Variants in SRGAP3 observed in about 807,000 individuals in gnomAD.
SRGAP3 encodes SLIT-ROBO Rho GTPase activating protein 3.
Under a neutral mutation model 121.1 loss-of-function variants are expected in SRGAP3, and 39 were observed. That is an observed-to-expected ratio of 0.32 (90% CI 0.25 to 0.42). The LOEUF (loss-of-function observed/expected upper bound fraction) is 0.42. Ranked by LOEUF, SRGAP3 falls within the 10% of genes least tolerant of loss-of-function variation. The probability of loss-of-function intolerance (pLI) is 1.00; values close to 1 mark genes in which losing one functional copy is unlikely to be tolerated. For missense variants in SRGAP3, 1,213 were observed against 1,470.6 expected (o/e 0.82, Z 2.86); for synonymous variants, 601 against 570.0 (o/e 1.05, Z -0.77).
intron 1 of SRGAP3, among the ~76,000 whole-genome samples, chr3:9,168,294 T>C (rs910308722): frequency 1.3e-5 from 2 of 152,236 alleles, no homozygotes; most frequent in Non-Finnish European, 2.9e-5. Context: ...AGCCCCATTT[T>C]TGCCAGTGGC....
At chr3:9,073,446 T>C (rs1161057167) in intron 4 of SRGAP3, among the ~76,000 whole-genome samples, 2 of 152,194 alleles carry the variant, frequency 1.3e-5, no homozygotes, top group African/African-American at 4.8e-5. Context: ...CCAGCCCAGA[T>C]AAGTAGTTTC....
intron 3 of SRGAP3, among the ~76,000 whole-genome samples, chr3:9,090,106 T>C (rs533477235): frequency 8.3e-4 from 127 of 152,250 alleles, no homozygotes; most frequent in African/African-American, 2.8e-3. Flanking sequence ...ACGTAATCCA[T>C]GCTTATGTCA....
At chr3:9,348,591 G>A (rs1955949561) in intron 1 of SRGAP3, 1 of 899,324 alleles carries the variant, frequency 1.1e-6, no homozygotes, top group Admixed American at 1.7e-5. Context: ...GAAGCCGGCT[G>A]AGTTTGACAT....
chr3:8,985,230 A>T lies in SRGAP3; in HGVS notation c.*289T>A. 9 of 514,676 alleles carry T rather than the reference A, an allele frequency of 1.7e-5. No homozygotes were observed. Among genetic ancestry groups the T allele is most frequent in the Admixed American group, 3.6e-5 (1 of 27,616 alleles). The allele number at this position is 514,676 out of a possible 1,614,324, so 31.9% of individuals were successfully genotyped here. A position where few individuals can be genotyped will look rare whatever the true frequency, so the allele number is the denominator to read the frequency against. ...GAAGTTTCCAGTGACGATATGCGGG[A>T]GAAGCCATGTGGTATTTTGCCTCCA... On this transcript the variant is annotated 3_prime_UTR_variant, in exon 22 of 22. Transcript: ENST00000383836. The surrounding 1 kb of genome is among the most constrained non-coding windows in gnomAD (Gnocchi z 5.1).
At chr3:9,045,736 A>G (rs913517588) in intron 10 of SRGAP3, among the ~76,000 whole-genome samples, 4 of 152,228 alleles carry the variant, frequency 2.6e-5, no homozygotes, top group Admixed American at 6.5e-5. Context: ...CACCAGGCCC[A>G]GGATCGTATT....
At chr3:9,307,640 A>G (rs531191193) in intron 3 of SRGAP3, among the ~76,000 whole-genome samples, 1 of 152,378 alleles carries the variant, frequency 6.6e-6, no homozygotes, top group African/African-American at 2.4e-5. Context: ...ATGTATGTCC[A>G]TGATGAAAGC....
At chr3:9,260,971 G>A (rs566073989) in intron 3 of SRGAP3, among the ~76,000 whole-genome samples, 1 of 152,280 alleles carries the variant, frequency 6.6e-6, no homozygotes, top group Non-Finnish European at 1.5e-5. Flanking sequence ...CATCTGGCGG[G>A]TGCCCCTCTG....
intron 4 of SRGAP3, among the ~76,000 whole-genome samples, chr3:9,069,820 C>G (rs907717912): frequency 6.6e-6 from 1 of 152,014 alleles, no homozygotes; most frequent in Non-Finnish European, 1.5e-5. Flanking sequence ...GGTGGTGGGC[C>G]CCTGTACTCC....
chr3:9,310,881 T>C lies in SRGAP3; in HGVS notation n.442+15129A>G, dbSNP rs374780822. The stretch of plus-strand genomic sequence containing the variant: ...AATCTAAAGATTCCTGAATAATATA[T>C]ACAGTCGGCCAGGTGCTGTGGCTCA... On this transcript the variant is annotated intron_variant and non_coding_transcript_variant, in intron 3 of 3. Coordinates refer to the SRGAP3 transcript ENST00000490889. 1.8e-4 allele frequency among the ~76,000 whole-genome samples: 27 copies of C among 152,100 alleles called. No homozygotes were observed. In the East Asian group the frequency reaches 3.3e-3, roughly 19 times the overall value.
chr3:9,081,141 G>A (rs186916880), intron 3 of SRGAP3: 128 of 380,414 alleles, frequency 3.4e-4, no homozygotes, highest in African/African-American at 2.0e-3. Context: ...CTTGGACATC[G>A]CCTTCCTAGC....
intron 1 of SRGAP3, among the ~76,000 whole-genome samples, chr3:9,344,238 T>C (rs959873796): frequency 6.6e-6 from 1 of 152,004 alleles, no homozygotes; most frequent in Non-Finnish European, 1.5e-5. Flanking sequence ...GCGGATCACC[T>C]GAGGTCAGAA....
chr3:9,014,030 G>T, intron 15 of SRGAP3, 188 bp from the exon 16 acceptor site: 6 of 663,598 alleles, frequency 9.0e-6, no homozygotes, highest in Admixed American at 4.2e-5. Context: ...ACAGGGAGGG[G>T]CTGGAGGTGT....
intron 1 of SRGAP3, among the ~76,000 whole-genome samples, chr3:9,177,700 C>T (rs542046388): frequency 2.6e-4 from 39 of 152,328 alleles, no homozygotes; most frequent in African/African-American, 8.7e-4. Flanking sequence ...TATTTACTCT[C>T]TCTTTTCTGG....
At position 8,985,655 on chromosome 3, in the gene SRGAP3, G is replaced by A; in HGVS notation, c.3164C>T (p.Pro1055Leu). 1 of 1,595,678 alleles carries A rather than the reference G, an allele frequency of 6.3e-7. No homozygotes were observed. Among genetic ancestry groups the A allele is most frequent in the East Asian group, 2.2e-5 (1 of 44,768 alleles). The change falls in exon 22 of 22, where the codon CCC becomes CTC. Residue 1055 changes from proline (P) to leucine (L), a missense_variant. Transcript: ENST00000383836. This position sits in a 1 kb window ranked among gnomAD's most constrained non-coding sequence, Gnocchi z 5.1. ...ARLAGAQLRP[P>L]PMRPVRPVVQ... ...CACCGGCCGCACGGGCCGCATGGGG[G>A]GCGGGCGGAGCTGGGCGCCAGCCAG...
At chr3:9,018,992 C>A (rs1407593260) in intron 14 of SRGAP3, among the ~76,000 whole-genome samples, 1 of 152,176 alleles carries the variant, frequency 6.6e-6, no homozygotes, top group Non-Finnish European at 1.5e-5. Flanking sequence ...CTTCACTTAA[C>A]AAGAAATCCT....
chr3:9,189,426 T>G (rs908597849), intron 1 of SRGAP3, among the ~76,000 whole-genome samples: 1 of 152,230 alleles, frequency 6.6e-6, no homozygotes, highest in African/African-American at 2.4e-5. Context: ...TGGGCAGAGC[T>G]GTATGGGAAG....
intron 3 of SRGAP3, among the ~76,000 whole-genome samples, chr3:9,101,027 G>A (rs1948195406): frequency 6.6e-6 from 1 of 152,222 alleles, no homozygotes; most frequent in South Asian, 2.1e-4. Context: ...CATGTGACAG[G>A]TTTGATCTGT....
intron 3 of SRGAP3, among the ~76,000 whole-genome samples, chr3:9,316,997 G>A (rs924986663): frequency 4.6e-5 from 7 of 152,242 alleles, no homozygotes; most frequent in African/African-American, 9.6e-5. Context: ...GTAGGCCACC[G>A]TGTACTTCTT....
At position 9,114,794 on chromosome 3, in the gene SRGAP3, C is replaced by T. The variant is rs58589287; in HGVS notation, c.260+9931G>A. Among the ~76,000 whole-genome samples, 1,172 of 152,344 alleles carry T rather than the reference C, an allele frequency of 7.7e-3. 19 individuals carry two copies. The highest frequency in any genetic ancestry group is 0.026 in the African/African-American group (1,100 of 41,584). On this transcript the variant is annotated intron_variant, in intron 2 of 21. Transcript: ENST00000383836. ...TAGCACTAGGCAGAGGAAAAGACCC[C>T]GATCCATGGCTTCCTGATTGTTTGG...
Sources: allele counts gnomAD v4.1 joint callset (sites outside exome capture counted in the v4.1 genomes callset), GRCh38; gene constraint gnomAD v4.1.1; non-coding constraint Gnocchi (gnomAD v3.1); transcripts MANE v1.5; gene names NCBI Gene and HGNC (gene_info 2026-07-23, HGNC 2026-07-21).